The following RPTOR variants were observed in gnomAD, a reference collection of about 807,000 sequenced individuals.
RPTOR encodes the protein regulatory associated protein of MTOR complex 1, also known as regulatory-associated protein of mTOR.
Under a neutral mutation model 169.9 loss-of-function variants are expected in RPTOR, and 21 were observed. That is an observed-to-expected ratio of 0.12 (90% CI 0.09 to 0.18). The LOEUF is 0.18. RPTOR is among the 10% of genes least tolerant of loss of function. The pLI is 1.00. For missense variants in RPTOR, 1,133 were observed against 1,855.9 expected, an observed-to-expected ratio of 0.61 and a Z score of 7.16; for synonymous variants, 732 against 753.2, an observed-to-expected ratio of 0.97 and a Z score of 0.46.
intron 1 of RPTOR, among the ~76,000 whole-genome samples, chr17:80,610,725 G>C (rs377248744): frequency 2.6e-5 from 4 of 152,274 alleles, no homozygotes; most frequent in African/African-American, 9.6e-5. Context: ...CACCCACCAG[G>C]AGAAGCCCAG....
intron 3 of RPTOR, among the ~76,000 whole-genome samples, chr17:80,657,134 C>T (rs769626691): frequency 6.6e-5 from 10 of 152,142 alleles, no homozygotes; most frequent in African/African-American, 1.2e-4. Flanking sequence ...AAATTCTTTA[C>T]TTTTAAACTG....
At chr17:80,900,792 A>C (rs2068467311) in intron 20 of RPTOR, among the ~76,000 whole-genome samples, 1 of 152,182 alleles carries the variant, frequency 6.6e-6, no homozygotes, top group Non-Finnish European at 1.5e-5. Context: ...AATCAAAATA[A>C]AAAGTTGCAC....
At chr17:80,909,116 G>A (rs1336031496) in intron 21 of RPTOR, among the ~76,000 whole-genome samples, 187 bp downstream of exon 21, 2 of 152,208 alleles carry the variant, frequency 1.3e-5, no homozygotes, top group Non-Finnish European at 2.9e-5. Flanking sequence ...CAGCTCCCAC[G>A]TGGGCAGAGG....
Position 80,860,404 on chromosome 17 carries a change from A to G in RPTOR, c.1509+2504A>G, listed in dbSNP as rs1218818041. ...ACACAAAGCCACTGCTGTGTCTCCC[A>G]CCCACAGCCGCTGCTGATTCAAGTC... On this transcript the variant is annotated intron_variant, in intron 13 of 33. Coordinates refer to ENST00000306801, the MANE Select transcript of RPTOR (RefSeq NM_020761.3). This position sits in a 1 kb window ranked among gnomAD's most constrained non-coding sequence, Gnocchi z 5.8. 6.6e-6 allele frequency among the ~76,000 whole-genome samples: 1 copy of G among 151,822 alleles called. No individual in the cohort carries two copies. Among genetic ancestry groups the G allele is most frequent in the Non-Finnish European group, 1.5e-5 (1 of 67,946 alleles).
In RPTOR at chr17:80,883,847, C is replaced by G; in HGVS notation, c.1717C>G (p.Leu573Val). Residue 573 changes from leucine (L) to valine (V), a missense_variant, in exon 16 of 34, where the codon CTG becomes GTG. Around this residue, in one of 9 missense-constraint regions of RPTOR, gnomAD observed 289 missense variants for 585.8 expected, o/e 0.49. Coordinates refer to ENST00000306801, the MANE Select transcript of RPTOR (RefSeq NM_020761.3). ...LEQLNDPHPLLRQWVAICLGR... is the reference protein window; with the variant it reads ...LEQLNDPHPLVRQWVAICLGR... ...GCAGCTCAACGACCCGCACCCCTTG[C>G]TGCGCCAGTGGGTGGCCATCTGCCT... 6.2e-7 allele frequency: 1 copy of G among 1,613,766 alleles called. No homozygotes were observed. The highest frequency in any genetic ancestry group is 8.5e-7 in the Non-Finnish European group (1 of 1,180,042).
intron 3 of RPTOR, among the ~76,000 whole-genome samples, chr17:80,672,960 T>A (rs1046178369): frequency 2.6e-5 from 4 of 152,104 alleles, no homozygotes; most frequent in Non-Finnish European, 4.4e-5. Flanking sequence ...AGAATCTCAT[T>A]CTGTCACCCA....
At chr17:80,623,420 G>A (rs1184316676) in intron 1 of RPTOR, among the ~76,000 whole-genome samples, 2 of 151,822 alleles carry the variant, frequency 1.3e-5, no homozygotes, top group Non-Finnish European at 2.9e-5. Context: ...TGAAATATCT[G>A]GAAATCTTAA....
chr17:80,847,569 G>A (rs1310031793), intron 11 of RPTOR, among the ~76,000 whole-genome samples: 2 of 152,220 alleles, frequency 1.3e-5, no homozygotes, highest in Non-Finnish European at 2.9e-5. Flanking sequence ...GTGCATGGCC[G>A]TGGGGAGGGG....
At position 80,844,077 on chromosome 17, in the gene RPTOR, G is replaced by A. The variant is rs186159213; in HGVS notation, c.1213-2396G>A. On this transcript the variant is annotated intron_variant, in intron 10 of 33. Transcript: ENST00000306801. The surrounding 1 kb of genome is among the most constrained non-coding windows in gnomAD (Gnocchi z 4.7). ...GGCCAGCTCAGGAGCTCTTCATGGG[G>A]TGGAGAAAATCTCAGAGATTTGGCC... is the stretch of plus-strand genomic sequence containing the variant. Among the ~76,000 whole-genome samples the A allele has an allele frequency of 1.7e-4, 26 of 152,292 alleles. No homozygotes were observed. Among genetic ancestry groups the A allele is most frequent in the Middle Eastern group, 3.4e-3 (1 of 294 alleles).
intron 9 of RPTOR, among the ~76,000 whole-genome samples, chr17:80,829,960 G>A (rs1315714060): frequency 1.3e-5 from 2 of 152,146 alleles, no homozygotes; most frequent in African/African-American, 4.8e-5. Flanking sequence ...TGAATCTAGA[G>A]CTAAAAAGTA....
At chr17:80,890,649 T>C (rs1567970520) in intron 17 of RPTOR, among the ~76,000 whole-genome samples, 1 of 152,138 alleles carries the variant, frequency 6.6e-6, no homozygotes, top group Non-Finnish European at 1.5e-5. Context: ...AAGTAGACGG[T>C]GCCCGCAGTT....
At position 80,803,290 on chromosome 17, in the gene RPTOR, C is replaced by T. The variant is rs894731271; in HGVS notation, c.890+11781C>T. On this transcript the variant is annotated intron_variant, in intron 7 of 33. Coordinates refer to ENST00000306801, the MANE Select transcript of RPTOR (RefSeq NM_020761.3). The surrounding 1 kb of genome is among the most constrained non-coding windows in gnomAD (Gnocchi z 6.2). ...CATCTCCATTTAAACTTCTGGAAAC[C>T]GAGGCAAGGGAGGTGGAGAGACTTG... 3 of 152,382 alleles carry T rather than the reference C, an allele frequency of 2.0e-5. No individual in the cohort carries two copies. Among genetic ancestry groups the T allele is most frequent in the Admixed American group, 6.5e-5 (1 of 15,300 alleles). 9.4% of individuals were successfully genotyped at this position (152,382 alleles called of 1,614,324 possible).
chr17:80,662,134 A>G (rs909385666), intron 3 of RPTOR, among the ~76,000 whole-genome samples: 8 of 152,062 alleles, frequency 5.3e-5, no homozygotes, highest in African/African-American at 1.5e-4. Context: ...CTGCTTAATC[A>G]CACTCAAAGC....
chr17:80,602,002 AATCTTTTCCCC>A (rs1272104789), intron 1 of RPTOR, among the ~76,000 whole-genome samples: 1 of 28,652 alleles, frequency 3.5e-5, no homozygotes, highest in East Asian at 6.3e-4. Flanking sequence ...CCGATTTCTC[AATCTTTTCCCC>A]ACCTTTCCCG....
intron 11 of RPTOR, among the ~76,000 whole-genome samples, chr17:80,854,996 C>T (rs1238637523): frequency 1.3e-5 from 2 of 152,188 alleles, no homozygotes; most frequent in Non-Finnish European, 2.9e-5. Flanking sequence ...ATTTGCATAA[C>T]GGAAGTACTG....
intron 1 of RPTOR, among the ~76,000 whole-genome samples, chr17:80,600,858 CCG>C (rs879790649): frequency 0.3 from 44,945 of 151,728 alleles, 6,975 homozygotes; most frequent in Middle Eastern, 0.37. Context: ...GCATCTCCCG[CCG>C]CACGTGCCCT....
intron 6 of RPTOR, among the ~76,000 whole-genome samples, chr17:80,762,909 A>T (rs142482802): frequency 2.6e-5 from 4 of 152,368 alleles, no homozygotes; most frequent in African/African-American, 9.6e-5. Context: ...GTGAGATACG[A>T]TGGCTAAAAT....
chr17:80,813,614 A>G (rs948345792), intron 7 of RPTOR, among the ~76,000 whole-genome samples: 1 of 152,204 alleles, frequency 6.6e-6, no homozygotes, highest in Non-Finnish European at 1.5e-5. Flanking sequence ...CAACCTAGCC[A>G]TTATGCACTG....
In RPTOR at chr17:80,764,748, C is replaced by T. The variant is rs570569769; in HGVS notation, c.830+10563C>T. Among the ~76,000 whole-genome samples the T allele has an allele frequency of 9.9e-5, 15 of 152,284 alleles. No homozygotes were observed. The South Asian group carries it at 3.1e-3, about 32-fold the overall frequency. ...TGAGGAATCGCCACACTGACTTCCA[C>T]AATGGTTGAACTAGTTTACAGTCCC... On this transcript the variant is annotated intron_variant, in intron 6 of 33. Transcript: ENST00000306801.
Sources: gnomAD v4.1 joint callset for allele counts (sites outside exome capture counted in the v4.1 genomes callset) on GRCh38, gnomAD v4.1.1 for gene constraint, gnomAD v4.1.1 regional missense constraint, Gnocchi (gnomAD v3.1) non-coding constraint, MANE v1.5 for transcripts, NCBI Gene and HGNC (gene_info 2026-07-23, HGNC 2026-07-21) for gene names.